The following AFG2A variants were observed in gnomAD, a reference collection of about 807,000 sequenced individuals.
AFG2A encodes the protein AAA ATPase AFG2A.
chr4:123,250,533 T>C, the AFG2A span, among the ~76,000 whole-genome samples: 3 of 152,066 alleles, frequency 2.0e-5, no homozygotes, highest in African/African-American at 7.2e-5. Context: ...ATTTGCAAAA[T>C]TGGGAGTATT....
the AFG2A span, among the ~76,000 whole-genome samples, chr4:122,996,570 C>CAGATAGATAGAT: frequency 0.065 from 9,009 of 139,560 alleles, 342 homozygotes; most frequent in East Asian, 0.07. Flanking sequence ...GGTAGGTAGG[C>CAGATAGATAGAT]AGATAGATAG....
the AFG2A span, among the ~76,000 whole-genome samples, chr4:123,181,742 A>G: frequency 6.6e-5 from 10 of 152,286 alleles, no homozygotes; most frequent in African/African-American, 2.4e-4. Flanking sequence ...GCCCCAAACT[A>G]ATTGTGTGCT....
chr4:123,269,934 AG>A, the AFG2A span, among the ~76,000 whole-genome samples: 1 of 52,620 alleles, frequency 1.9e-5, no homozygotes, highest in African/African-American at 3.1e-5. Flanking sequence ...CTTCTGCCTC[AG>A]CCTCCGGAGT....
chr4:123,067,946 C>T, the AFG2A span, among the ~76,000 whole-genome samples: 1 of 152,088 alleles, frequency 6.6e-6, no homozygotes, highest in Non-Finnish European at 1.5e-5. Context: ...TTTGCCTACC[C>T]CAGTTTTAAG....
At chr4:123,139,483 C>T in the AFG2A span, among the ~76,000 whole-genome samples, 2 of 151,720 alleles carry the variant, frequency 1.3e-5, no homozygotes, top group Non-Finnish European at 2.9e-5. Flanking sequence ...AAGATTAAAA[C>T]TTGATCCATC....
the AFG2A span, among the ~76,000 whole-genome samples, chr4:123,259,522 C>A: frequency 6.6e-6 from 1 of 152,180 alleles, no homozygotes; most frequent in Admixed American, 6.5e-5. Context: ...CCCTCATTGT[C>A]CTGGCTTCTT....
the AFG2A span, among the ~76,000 whole-genome samples, chr4:123,148,905 AT>A: frequency 2.0e-5 from 3 of 151,480 alleles, no homozygotes; most frequent in Non-Finnish European, 4.4e-5. Context: ...AGTAGCTGGG[AT>A]TACAGGCAGG....
the AFG2A span, among the ~76,000 whole-genome samples, chr4:123,268,333 G>T: frequency 6.6e-6 from 1 of 152,090 alleles, no homozygotes; most frequent in South Asian, 2.1e-4. Context: ...GGAAGAATTG[G>T]ATGATCAAGT....
the AFG2A span, among the ~76,000 whole-genome samples, chr4:123,045,768 A>G: frequency 4.6e-5 from 7 of 152,042 alleles, no homozygotes; most frequent in African/African-American, 7.2e-5. Context: ...TGTTAAGTTA[A>G]TATTTTGTGG....
the AFG2A span, among the ~76,000 whole-genome samples, chr4:123,211,470 G>A: frequency 1.3e-5 from 2 of 152,026 alleles, no homozygotes; most frequent in African/African-American, 4.8e-5. Context: ...CTCAATCCTT[G>A]GATATATACC....
At chr4:123,104,091 T>A in the AFG2A span, among the ~76,000 whole-genome samples, 1 of 152,282 alleles carries the variant, frequency 6.6e-6, no homozygotes, top group African/African-American at 2.4e-5. Context: ...TATTGCACTT[T>A]GCAAGTAGTG....
At chr4:123,059,546 T>A in the AFG2A span, among the ~76,000 whole-genome samples, 5 of 150,690 alleles carry the variant, frequency 3.3e-5, no homozygotes, top group Non-Finnish European at 6.0e-5. Flanking sequence ...CTTAATCCTG[T>A]CTATCATTGT....
At chr4:123,131,773 G>A in the AFG2A span, among the ~76,000 whole-genome samples, 1 of 152,028 alleles carries the variant, frequency 6.6e-6, no homozygotes, top group Non-Finnish European at 1.5e-5. Flanking sequence ...TATGAATAGT[G>A]GTATTACAAA....
At chr4:123,226,311 C>T in the AFG2A span, among the ~76,000 whole-genome samples, 1 of 152,084 alleles carries the variant, frequency 6.6e-6, no homozygotes, top group Non-Finnish European at 1.5e-5. Context: ...GGAATGCTTC[C>T]AGTTTTTGCC....
the AFG2A span, among the ~76,000 whole-genome samples, chr4:122,995,097 A>T: frequency 3.9e-5 from 6 of 152,154 alleles, no homozygotes; most frequent in African/African-American, 1.4e-4. Flanking sequence ...CATTCTTCAT[A>T]TCCCCTTAGG....
At chr4:123,165,561 A>G in the AFG2A span, among the ~76,000 whole-genome samples, 8 of 152,056 alleles carry the variant, frequency 5.3e-5, no homozygotes, top group African/African-American at 1.4e-4. Context: ...TAGGTCTTGT[A>G]TGTGATTTAT....
chr4:123,150,480 A>T, the AFG2A span, among the ~76,000 whole-genome samples: 23 of 152,256 alleles, frequency 1.5e-4, no homozygotes, highest in Admixed American at 1.2e-3. Context: ...ATACACCAAT[A>T]ATAAACAGAG....
chr4:122,964,281 AC>A, the AFG2A span, among the ~76,000 whole-genome samples: 1 of 152,040 alleles, frequency 6.6e-6, no homozygotes, highest in African/African-American at 2.4e-5. Context: ...AGGCGGGTGG[AC>A]CACTTGAGGT....
At chr4:123,012,344 G>A in the AFG2A span, among the ~76,000 whole-genome samples, 1 of 147,468 alleles carries the variant, frequency 6.8e-6, no homozygotes, top group African/African-American at 2.5e-5. Flanking sequence ...TGCCCCCCAG[G>A]AAAGTGGAGA....
Sources: gnomAD v4.1 joint callset for allele counts (sites outside exome capture counted in the v4.1 genomes callset) on GRCh38, gnomAD v4.1.1 for gene constraint, MANE v1.5 for transcripts, NCBI Gene and HGNC (gene_info 2026-07-23, HGNC 2026-07-21) for gene names.